STON1: variants seen among roughly 807,000 people sequenced by gnomAD.
The protein encoded by STON1 is stonin 1, also known as stonin-1.
STON1 carries 79 observed loss-of-function variants against 60.9 expected under a neutral mutation model. The observed-to-expected ratio is 1.30, with a 90% CI of 1.08 to 1.56. The LOEUF (loss-of-function observed/expected upper bound fraction) is 1.56. Ranked by LOEUF, STON1 falls within the 40% of genes most tolerant of loss-of-function variation. The pLI, the probability that STON1 is intolerant of heterozygous loss-of-function variation, is 0.00. For missense variants in STON1, 1,166 were observed against 858.9 expected (o/e 1.36, Z -4.47); for synonymous variants, 363 against 306.9 (o/e 1.18, Z -1.91).
At chr2:48,547,637 C>G (rs1340462914) in intron 1 of STON1, among the ~76,000 whole-genome samples, 1 of 152,192 alleles carries the variant, frequency 6.6e-6, no homozygotes, top group Non-Finnish European at 1.5e-5. Context: ...TCAGGGAAGA[C>G]TTCCAGAAAT....
chr2:48,576,343 C>T (rs1263925081), intron 1 of STON1, among the ~76,000 whole-genome samples: 1 of 151,418 alleles, frequency 6.6e-6, no homozygotes, highest in Non-Finnish European at 1.5e-5. Context: ...GCACCCACCA[C>T]CACACCCAGC....
In STON1 at chr2:48,545,330, C is replaced by T. The variant is rs116071723; in HGVS notation, c.-48+15114C>T. Reference sequence around the variant, plus strand: ...TTTCGCCAGCTTTCAACAGCCCCTGCTTGTCGGTATTGGCCTCCTCTGCAC... The same window carrying T: ...TTTCGCCAGCTTTCAACAGCCCCTGTTTGTCGGTATTGGCCTCCTCTGCAC... On this transcript the variant is annotated intron_variant, in intron 1 of 3. Transcript: ENST00000404752. 5.8e-3 allele frequency among the ~76,000 whole-genome samples: 879 copies of T among 152,314 alleles called. 3 individuals carry two copies. Among genetic ancestry groups the T allele is most frequent in the Non-Finnish European group, 7.5e-3 (510 of 68,024 alleles).
At chr2:48,590,732 A>G (rs530285050) in intron 2 of STON1, among the ~76,000 whole-genome samples, 1 of 151,886 alleles carries the variant, frequency 6.6e-6, no homozygotes, top group Admixed American at 6.6e-5. Flanking sequence ...CTGGCCTGGC[A>G]TAGCACAGAT....
At chr2:48,530,418 C>T (rs1425360039) in intron 1 of STON1, 2 of 223,324 alleles carry the variant, frequency 9.0e-6, no homozygotes, top group Admixed American at 5.5e-5. Context: ...GATGGCCTCC[C>T]GGCAGGGACT....
chr2:48,573,623 G>C (rs898762769), intron 1 of STON1, among the ~76,000 whole-genome samples: 5 of 152,196 alleles, frequency 3.3e-5, no homozygotes, highest in African/African-American at 1.2e-4. Flanking sequence ...TCAGTAATTT[G>C]TTGTATCAGG....
At chr2:48,590,705 T>A (rs1674466107) in intron 2 of STON1, among the ~76,000 whole-genome samples, 1 of 150,062 alleles carries the variant, frequency 6.7e-6, no homozygotes, top group Non-Finnish European at 1.5e-5. Flanking sequence ...CCAGTATCTC[T>A]GGGTCTGGCA....
intron 2 of STON1, among the ~76,000 whole-genome samples, chr2:48,588,548 G>C (rs562457653): frequency 2.0e-4 from 31 of 152,160 alleles, no homozygotes; most frequent in African/African-American, 7.5e-4. Flanking sequence ...ATGAGGTTTT[G>C]CCGTGTTGCT....
intron 1 of STON1, among the ~76,000 whole-genome samples, chr2:48,553,380 C>T (rs1672181590): frequency 6.6e-6 from 1 of 150,982 alleles, no homozygotes; most frequent in East Asian, 2.0e-4. Flanking sequence ...CCTTCCCTTC[C>T]CTTCCCTTCC....
chr2:48,580,916 C>G lies in STON1; in HGVS notation c.283C>G (p.Pro95Ala). 1 of 1,599,242 alleles carries G rather than the reference C, an allele frequency of 6.3e-7. No homozygotes were observed. The change falls in exon 2 of 4, where the codon CCC becomes GCC. Residue 95 changes from proline (P) to alanine (A), a missense_variant. Pro to Ala is a conservative substitution (Grantham distance 27). Coordinates refer to ENST00000404752, the MANE Select transcript of STON1 (RefSeq NM_006873.4). Reference sequence around the variant, plus strand: ...AGACTTCCCAGGTTTTCCTGGCATCCCCAAAGCAGGGACTCATGTGCTTTA... The same window carrying G: ...AGACTTCCCAGGTTTTCCTGGCATCGCCAAAGCAGGGACTCATGTGCTTTA... ...TKDFPGFPGI[P>A]KAGTHVLYPI...
At chr2:48,540,542 A>G (rs913808420) in intron 1 of STON1, among the ~76,000 whole-genome samples, 4 of 152,244 alleles carry the variant, frequency 2.6e-5, no homozygotes, top group Admixed American at 6.5e-5. Flanking sequence ...CAGGCAGAGC[A>G]TGGAAGGGCT....
Position 48,582,387 on chromosome 2 carries a change from T to C in STON1, c.1754T>C (p.Met585Thr). 2 of 1,614,138 alleles carry C rather than the reference T, an allele frequency of 1.2e-6. No homozygotes were observed. The change falls in exon 2 of 4, where the codon ATG (methionine) becomes ACG (threonine). Residue 585 changes from methionine (M) to threonine (T), a missense_variant. Physicochemically the swap from Met to Thr is moderately conservative, Grantham distance 81. Coordinates refer to ENST00000404752, the MANE Select transcript of STON1 (RefSeq NM_006873.4). The stretch of plus-strand genomic sequence containing the variant: ...CAGTGGATCAAGGCCCTTTGGACCA[T>C]GAACCTCCAGAGGCAGAAGTCTCTG... ...PSQWIKALWTMNLQRQKSLKA... is the reference protein window; with the variant it reads ...PSQWIKALWTTNLQRQKSLKA...
In STON1 at chr2:48,596,806, A is replaced by G. The variant is rs1674799101; in HGVS notation, c.*1504A>G. 6.6e-6 allele frequency: 1 copy of G among 152,182 alleles called. No homozygotes were observed. Among genetic ancestry groups the G allele is most frequent in the Non-Finnish European group, 1.5e-5 (1 of 68,034 alleles). The allele number at this position is 152,182 out of a possible 1,614,324, so 9.4% of individuals were successfully genotyped here. A position where few individuals can be genotyped will look rare whatever the true frequency, so the allele number is the denominator to read the frequency against. ...CATTATTTTACTGTAAAGGCAAAGA[A>G]TGCAATAGGTGATGGTTGGTTGAAA... On this transcript the variant is annotated 3_prime_UTR_variant, in exon 4 of 4. Transcript: ENST00000404752.
chr2:48,547,579 A>G (rs915682936), intron 1 of STON1, among the ~76,000 whole-genome samples: 1 of 152,220 alleles, frequency 6.6e-6, no homozygotes, highest in African/African-American at 2.4e-5. Flanking sequence ...GTGTGGAAGC[A>G]GGCTGGGCAG....
intron 1 of STON1, among the ~76,000 whole-genome samples, chr2:48,540,707 A>C (rs997962179): frequency 1.3e-5 from 2 of 152,240 alleles, no homozygotes; most frequent in Non-Finnish European, 2.9e-5. Context: ...TTGAGCCTCA[A>C]CTTGAAGTGG....
chr2:48,538,081 G>A (rs1671503739), intron 1 of STON1, among the ~76,000 whole-genome samples: 2 of 151,726 alleles, frequency 1.3e-5, no homozygotes, highest in South Asian at 4.1e-4. Context: ...AGCCTCCTTA[G>A]TAGCTGGGAT....
intron 1 of STON1, among the ~76,000 whole-genome samples, chr2:48,566,500 C>T (rs1325344744): frequency 1.3e-5 from 2 of 151,544 alleles, no homozygotes; most frequent in Non-Finnish European, 2.9e-5. Flanking sequence ...TCAGGCTGGT[C>T]TCAATCTTCT....
chr2:48,558,012 C>T (rs1405491135), intron 1 of STON1, among the ~76,000 whole-genome samples: 4 of 152,112 alleles, frequency 2.6e-5, no homozygotes, highest in East Asian at 1.9e-4. Flanking sequence ...CACCTGAGGT[C>T]GGGAGTTCGA....
intron 1 of STON1, among the ~76,000 whole-genome samples, chr2:48,536,658 C>G (rs1671445708): frequency 6.6e-6 from 1 of 150,884 alleles, no homozygotes; most frequent in African/African-American, 2.4e-5. Flanking sequence ...TCTGGGCCAT[C>G]TTGGATTTGA....
intron 1 of STON1, among the ~76,000 whole-genome samples, chr2:48,556,840 G>A (rs1672381712): frequency 1.8e-5 from 1 of 56,932 alleles, no homozygotes; most frequent in African/African-American, 8.4e-5. Context: ...TGGCCGGGTG[G>A]GGGGGCTGAC....
Sources: allele counts gnomAD v4.1 joint callset (sites outside exome capture counted in the v4.1 genomes callset), GRCh38; gene constraint gnomAD v4.1.1; transcripts MANE v1.5; gene names NCBI Gene and HGNC (gene_info 2026-07-23, HGNC 2026-07-21).